The following DGKI variants were observed in gnomAD, a reference collection of about 807,000 sequenced individuals.
The protein encoded by DGKI is DAG kinase iota.
DGKI carries 55 observed loss-of-function variants against 147.5 expected under a neutral mutation model. That is an observed-to-expected ratio of 0.37 (90% confidence interval 0.30 to 0.47). DGKI has a LOEUF of 0.47. Among genes scored for constraint, DGKI ranks in the 20% least tolerant of loss-of-function variants. DGKI has a pLI of 1.00. For missense variants in DGKI, 1,007 were observed against 1,323.8 expected, an observed-to-expected ratio of 0.76 and a Z score of 3.71; for synonymous variants, 469 against 477.1, an observed-to-expected ratio of 0.98 and a Z score of 0.22.
intron 28 of DGKI, among the ~76,000 whole-genome samples, chr7:137,423,552 A>G (rs1812664276): frequency 6.6e-6 from 1 of 152,220 alleles, no homozygotes; most frequent in Non-Finnish European, 1.5e-5. Flanking sequence ...ACAGTTAAGT[A>G]TGTACTAGAG....
At chr7:137,550,002 G>A (rs1817990914) in intron 20 of DGKI, among the ~76,000 whole-genome samples, 1 of 151,974 alleles carries the variant, frequency 6.6e-6, no homozygotes, top group Admixed American at 6.6e-5. Flanking sequence ...AAAGATTTTT[G>A]TTATCTTTAA....
At chr7:137,455,648 G>GGT (rs1563029068) in intron 27 of DGKI, among the ~76,000 whole-genome samples, 1 of 114,980 alleles carries the variant, frequency 8.7e-6, no homozygotes, top group Non-Finnish European at 1.8e-5. Flanking sequence ...AAGGGGGGGG[G>GGT]GCGGGGAATG....
At chr7:137,628,493 G>C (rs1309278852) in intron 6 of DGKI, among the ~76,000 whole-genome samples, 2 of 152,132 alleles carry the variant, frequency 1.3e-5, no homozygotes, top group Non-Finnish European at 2.9e-5. Flanking sequence ...GAAGACTCTG[G>C]CCAGGCTCTC....
chr7:137,807,237 T>G (rs1483576659), intron 1 of DGKI, among the ~76,000 whole-genome samples: 1 of 152,238 alleles, frequency 6.6e-6, no homozygotes, highest in Admixed American at 6.5e-5. Flanking sequence ...AAGGACTTTT[T>G]AATATAAGGC....
At chr7:137,724,547 T>C (rs1794666439) in intron 1 of DGKI, among the ~76,000 whole-genome samples, 1 of 152,168 alleles carries the variant, frequency 6.6e-6, no homozygotes, top group Non-Finnish European at 1.5e-5. Flanking sequence ...GCAGAGCCAC[T>C]TGCTAATGGA....
chr7:137,658,355 G>A (rs1484382913), intron 3 of DGKI, among the ~76,000 whole-genome samples: 1 of 152,082 alleles, frequency 6.6e-6, no homozygotes, highest in African/African-American at 2.4e-5. Context: ...CACTGCTTTG[G>A]CACCACCTGT....
intron 1 of DGKI, among the ~76,000 whole-genome samples, chr7:137,720,589 C>T (rs1794526540): frequency 1.3e-5 from 2 of 152,102 alleles, no homozygotes; most frequent in South Asian, 4.1e-4. Flanking sequence ...AATAATTTGC[C>T]AGGTGGGATT....
chr7:137,747,148 C>T (rs997956157), intron 1 of DGKI, among the ~76,000 whole-genome samples: 12 of 152,034 alleles, frequency 7.9e-5, no homozygotes, highest in African/African-American at 2.9e-4. Context: ...GATTAGATCA[C>T]ACCAATTTTG....
At chr7:137,725,884 T>C (rs1407216964) in intron 1 of DGKI, among the ~76,000 whole-genome samples, 1 of 152,250 alleles carries the variant, frequency 6.6e-6, no homozygotes, top group African/African-American at 2.4e-5. Context: ...CCCAACGTGA[T>C]TTCTTTCGTT....
At chr7:137,452,691 G>A (rs1202686919) in intron 27 of DGKI, 2 of 152,158 alleles carry the variant, frequency 1.3e-5, no homozygotes, top group African/African-American at 4.8e-5. Context: ...ACTTAGGAAG[G>A]GAAAGAGAAG....
chr7:137,827,095 A>C (rs1798079399), intron 1 of DGKI, among the ~76,000 whole-genome samples: 1 of 152,132 alleles, frequency 6.6e-6, no homozygotes, highest in African/African-American at 2.4e-5. Flanking sequence ...TAGAGGAGAA[A>C]GAAAAGTTAT....
At chr7:137,745,757 A>G (rs13235392) in intron 1 of DGKI, among the ~76,000 whole-genome samples, 1 of 152,108 alleles carries the variant, frequency 6.6e-6, no homozygotes, top group Admixed American at 6.5e-5. Context: ...TGAATAGATG[A>G]GAGTTCTCAG....
intron 25 of DGKI, 79 bp downstream of exon 25, chr7:137,466,823 A>AT: frequency 6.7e-7 from 1 of 1,489,352 alleles, no homozygotes; most frequent in South Asian, 1.1e-5. Flanking sequence ...CGTTAGAAAA[A>AT]TTTATGAGAT....
intron 20 of DGKI, among the ~76,000 whole-genome samples, chr7:137,548,561 T>C (rs1174237286): frequency 1.3e-5 from 2 of 152,090 alleles, no homozygotes; most frequent in Admixed American, 1.3e-4. Flanking sequence ...CCCATTCACC[T>C]TCTGCCCTGA....
At chr7:137,455,909 C>T (rs565554833) in intron 27 of DGKI, among the ~76,000 whole-genome samples, 2 of 152,180 alleles carry the variant, frequency 1.3e-5, no homozygotes, top group Admixed American at 6.5e-5. Flanking sequence ...GATTTGCAAG[C>T]GAATTTTTTT....
chr7:137,481,162 G>C (rs1815358905), intron 23 of DGKI, among the ~76,000 whole-genome samples: 1 of 152,040 alleles, frequency 6.6e-6, no homozygotes, highest in African/African-American at 2.4e-5. Flanking sequence ...AGCATCCTTG[G>C]CCTTTATCCA....
intron 3 of DGKI, among the ~76,000 whole-genome samples, chr7:137,660,389 A>G (rs73730080): frequency 0.026 from 3,922 of 152,330 alleles, 179 homozygotes; most frequent in African/African-American, 0.089. Flanking sequence ...TGATCTCACC[A>G]GCAGCCATAC....
At chr7:137,480,596 GT>G (rs67866265) in intron 23 of DGKI, among the ~76,000 whole-genome samples, 28,972 of 148,296 alleles carry the variant, frequency 0.2, 4,103 homozygotes, top group African/African-American at 0.41. Flanking sequence ...CCAAGAGGTT[GT>G]TTTTTTTTTT....
intron 6 of DGKI, among the ~76,000 whole-genome samples, chr7:137,624,643 A>C (rs1820869195): frequency 1.3e-5 from 2 of 150,848 alleles, no homozygotes; most frequent in Non-Finnish European, 3.0e-5. Context: ...CTTGGTCTGT[A>C]GCCCAGGCTG....
Sources: gnomAD v4.1 joint callset for allele counts (sites outside exome capture counted in the v4.1 genomes callset) on GRCh38, gnomAD v4.1.1 for gene constraint, MANE v1.5 for transcripts, NCBI Gene and HGNC (gene_info 2026-07-23, HGNC 2026-07-21) for gene names.